The following MEP1A variants were observed in gnomAD, a reference collection of about 807,000 sequenced individuals.
MEP1A encodes meprin A subunit alpha, also known as N-benzoyl-L-tyrosyl-P-amino-benzoic acid hydrolase subunit alpha.
A neutral mutation model predicts 84.5 loss-of-function variants in MEP1A; 68 were observed. The observed-to-expected ratio is 0.80, with a 90% CI of 0.66 to 0.98. The LOEUF is 0.98. Among genes scored for constraint, MEP1A ranks in the 50% least tolerant of loss-of-function variants. The pLI is 0.00. For synonymous variants in MEP1A, 337 were observed against 336.8 expected (o/e 1.00, Z -0.01); for missense variants, 887 against 919.9 (o/e 0.96, Z 0.46).
chr6:46,842,901 C>T (rs972629316), downstream of MEP1A, among the ~76,000 whole-genome samples: 2 of 152,138 alleles, frequency 1.3e-5, no homozygotes, highest in African/African-American at 4.8e-5. Flanking sequence ...ATAGAACCTA[C>T]GTTGAAATAT....
At chr6:46,826,746 C>G (rs555391752) in intron 9 of MEP1A, among the ~76,000 whole-genome samples, 2 of 152,020 alleles carry the variant, frequency 1.3e-5, no homozygotes, top group Non-Finnish European at 1.5e-5. Context: ...AAGATAAAAC[C>G]TCATAAATAA....
intron 10 of MEP1A, among the ~76,000 whole-genome samples, chr6:46,831,229 T>C (rs1262522360): frequency 6.6e-6 from 1 of 152,234 alleles, no homozygotes; most frequent in African/African-American, 2.4e-5. Flanking sequence ...CTTAAGACAG[T>C]CGCAACCAAT....
intron 6 of MEP1A, among the ~76,000 whole-genome samples, chr6:46,816,865 C>T (rs141214301): frequency 1.4e-3 from 219 of 152,230 alleles, no homozygotes; most frequent in African/African-American, 4.7e-3. Context: ...GCCATAATCC[C>T]ATAATGAGCA....
intron 5 of MEP1A, among the ~76,000 whole-genome samples, chr6:46,799,492 G>T (rs1767144910): frequency 6.6e-6 from 1 of 152,208 alleles, no homozygotes. Context: ...GGAAAAGTTT[G>T]CACTTTGTTT....
chr6:46,810,353 G>T (rs1767468445), intron 6 of MEP1A, among the ~76,000 whole-genome samples: 1 of 152,034 alleles, frequency 6.6e-6, no homozygotes, highest in Non-Finnish European at 1.5e-5. Flanking sequence ...GTTATTTGTA[G>T]ATTCCAGATA....
chr6:46,841,664 G>A (rs1255155516), downstream of MEP1A, among the ~76,000 whole-genome samples: 2 of 152,144 alleles, frequency 1.3e-5, no homozygotes, highest in Non-Finnish European at 2.9e-5. Context: ...AATGTCTCAT[G>A]CTTCCCCCAC....
chr6:46,843,009 T>A (rs1485927344), downstream of MEP1A, among the ~76,000 whole-genome samples: 1 of 152,116 alleles, frequency 6.6e-6, no homozygotes, highest in Non-Finnish European at 1.5e-5. Flanking sequence ...TTTTAAGTGC[T>A]CCACCTCCAA....
At chr6:46,797,396 A>G (rs1562102347) in intron 3 of MEP1A, among the ~76,000 whole-genome samples, 1 of 152,234 alleles carries the variant, frequency 6.6e-6, no homozygotes, top group African/African-American at 2.4e-5. Context: ...CCCTTTTAAG[A>G]GTCTTGCTTA....
At chr6:46,837,857 A>C (rs2150759198) in intron 13 of MEP1A, among the ~76,000 whole-genome samples, 1 of 152,240 alleles carries the variant, frequency 6.6e-6, no homozygotes, top group Middle Eastern at 3.4e-3. Flanking sequence ...TGGAAGGTAA[A>C]ATCATTCAGG....
intron 5 of MEP1A, among the ~76,000 whole-genome samples, chr6:46,806,639 T>A (rs556567289): frequency 3.5e-4 from 54 of 152,140 alleles, no homozygotes; most frequent in African/African-American, 1.3e-3. Flanking sequence ...TTCTCCCATT[T>A]ATGCAAAGTT....
At position 46,814,373 on chromosome 6, in the gene MEP1A, G is replaced by C. The variant is rs557964351; in HGVS notation, c.380+4836G>C. Among the ~76,000 whole-genome samples the C allele has an allele frequency of 5.9e-5, 9 of 152,164 alleles. No individual in the cohort carries two copies. The South Asian group carries it at 1.9e-3, about 32-fold the overall frequency. On this transcript the variant is annotated intron_variant, in intron 6 of 13. Transcript: ENST00000230588. ...TCCAGTGCATTTTGCATTTCTCTAA[G>C]TATGTCCTTGATTTCCAGAAGTTGT...
chr6:46,796,059 C>A (rs1413385213), intron 3 of MEP1A, among the ~76,000 whole-genome samples: 2 of 152,132 alleles, frequency 1.3e-5, no homozygotes, highest in Admixed American at 1.3e-4. Flanking sequence ...TTCCAGCCAC[C>A]CTGACTGCAC....
At chr6:46,798,963 C>T (rs1767129917) in intron 4 of MEP1A, 143 bp from the exon 5 acceptor site, 2 of 642,494 alleles carry the variant, frequency 3.1e-6, no homozygotes, top group Non-Finnish European at 5.6e-6. Flanking sequence ...ACTTCTATTG[C>T]TTTCATAATC....
At chr6:46,807,430 T>TG (rs1767351216) in intron 5 of MEP1A, among the ~76,000 whole-genome samples, 1 of 150,480 alleles carries the variant, frequency 6.6e-6, no homozygotes, top group African/African-American at 2.4e-5. Context: ...TCTCAGCACT[T>TG]TGGGAAGCCG....
intron 6 of MEP1A, among the ~76,000 whole-genome samples, chr6:46,816,081 C>T (rs113053387): frequency 0.026 from 3,999 of 152,084 alleles, 87 homozygotes; most frequent in Non-Finnish European, 0.038. Flanking sequence ...GGATCACAGG[C>T]GTGTGCCACC....
At chr6:46,828,973 G>C (rs1214105992) in intron 9 of MEP1A, among the ~76,000 whole-genome samples, 1 of 152,054 alleles carries the variant, frequency 6.6e-6, no homozygotes, top group South Asian at 2.1e-4. Context: ...ACAACAACCA[G>C]ACCAACCCAA....
chr6:46,811,839 T>C (rs1162731867), intron 6 of MEP1A, among the ~76,000 whole-genome samples: 1 of 152,144 alleles, frequency 6.6e-6, no homozygotes, highest in African/African-American at 2.4e-5. Context: ...TCATGTTGAA[T>C]TATCTTTTTG....
chr6:46,824,587 TTA>T (rs939267263), intron 7 of MEP1A, among the ~76,000 whole-genome samples: 2 of 138,556 alleles, frequency 1.4e-5, no homozygotes, highest in African/African-American at 2.6e-5. Flanking sequence ...AATATATAAA[TTA>T]TATATATTAA....
chr6:46,833,182 G>T lies in MEP1A; in HGVS notation c.1253G>T (p.Gly418Val), dbSNP rs761106440. The T allele has an allele frequency of 6.2e-7, 1 of 1,608,506 alleles. No homozygotes were observed. Among genetic ancestry groups the T allele is most frequent in the Non-Finnish European group, 8.5e-7 (1 of 1,177,536 alleles). Residue 418 changes from glycine to valine, a missense_variant, in exon 11 of 14, where the codon GGA becomes GTA. Physicochemically the swap from Gly to Val is moderately radical, Grantham distance 109. Transcript: ENST00000230588. ...GGCGACCCTCAGAACTCAACTGGGG[G>T]AATTTACCTAGATGACATCACTCTG... ...TKGDPQNSTG[G>V]IYLDDITLTE...
Sources: allele counts gnomAD v4.1 joint callset (sites outside exome capture counted in the v4.1 genomes callset), GRCh38; gene constraint gnomAD v4.1.1; transcripts MANE v1.5; gene names NCBI Gene and HGNC (gene_info 2026-07-23, HGNC 2026-07-21).